The following TP63 variants were observed in gnomAD, a reference collection of about 807,000 sequenced individuals.
TP63 encodes tumor protein p63.
Under a neutral mutation model 82.8 loss-of-function variants are expected in TP63, and 17 were observed. The observed-to-expected ratio is 0.21, with a 90% CI of 0.14 to 0.31. The LOEUF is 0.31. Among genes scored for constraint, TP63 ranks in the 10% least tolerant of loss-of-function variants. The pLI is 1.00. For missense variants in TP63, 648 were observed against 895.3 expected (o/e 0.72, Z 3.52); for synonymous variants, 330 against 321.7 (o/e 1.03, Z -0.28).
chr3:189,678,530 T>C (rs945338709), intron 1 of TP63, among the ~76,000 whole-genome samples: 5 of 152,078 alleles, frequency 3.3e-5, no homozygotes, highest in African/African-American at 1.2e-4. Flanking sequence ...AATCTCCGGC[T>C]TTGTTCTTTT....
At chr3:189,787,945 A>G (rs534241424) in intron 3 of TP63, among the ~76,000 whole-genome samples, 105 of 152,174 alleles carry the variant, frequency 6.9e-4, no homozygotes, top group African/African-American at 2.4e-3. Flanking sequence ...TTTCAGGATC[A>G]TCCAAGTTTT....
rs1021607743 is a variant in TP63, at chr3:189,880,497, A to G, written c.1350-5897A>G. ...GGAGGGGTCAGGTGGGGAAAGGGGC[A>G]TTAAGATGTTTATTGGAACCCTTTT... On this transcript the variant is annotated intron_variant, in intron 10 of 13. Coordinates refer to ENST00000264731, the MANE Select transcript of TP63 (RefSeq NM_003722.5). The G allele has an allele frequency of 1.5e-5, 15 of 1,017,186 alleles. No homozygotes were observed. In the African/African-American group the frequency reaches 2.4e-4, roughly 16 times the overall value. 63.0% of individuals were successfully genotyped at this position (1,017,186 alleles called of 1,614,324 possible). A position where few individuals can be genotyped will look rare whatever the true frequency, so the allele number is the denominator to read the frequency against.
intron 11 of TP63, 118 bp from the exon 12 acceptor site, chr3:189,889,222 A>G (rs1377911422): frequency 4.1e-6 from 6 of 1,460,666 alleles, no homozygotes; most frequent in Non-Finnish European, 5.7e-6. Flanking sequence ...AGCGAAGATT[A>G]AAAAGGAAGG....
upstream of TP63, among the ~76,000 whole-genome samples, chr3:189,630,232 G>A (rs1365603778): frequency 2.0e-5 from 3 of 152,142 alleles, no homozygotes. Flanking sequence ...GGTGTGTCCT[G>A]TGACTAGGGG....
chr3:189,691,158 G>C (rs1716882538), intron 1 of TP63, among the ~76,000 whole-genome samples: 1 of 151,694 alleles, frequency 6.6e-6, no homozygotes, highest in Non-Finnish European at 1.5e-5. Flanking sequence ...GGCCAACATG[G>C]TGAAACCCTG....
chr3:189,825,915 C>T (rs1056733596), intron 4 of TP63, among the ~76,000 whole-genome samples: 1 of 152,172 alleles, frequency 6.6e-6, no homozygotes, highest in African/African-American at 2.4e-5. Flanking sequence ...TTGCTCTTCC[C>T]TGCAGCCTCT....
At chr3:189,641,356 T>G (rs1315359464) in intron 1 of TP63, among the ~76,000 whole-genome samples, 1 of 152,060 alleles carries the variant, frequency 6.6e-6, no homozygotes, top group African/African-American at 2.4e-5. Context: ...GTCAGAGCAT[T>G]TTAGATATTC....
upstream of TP63, among the ~76,000 whole-genome samples, chr3:189,630,849 C>T (rs1729426759): frequency 1.3e-5 from 2 of 151,852 alleles, no homozygotes; most frequent in African/African-American, 4.8e-5. Flanking sequence ...AAGGAATTTC[C>T]CTGTCTTTGC....
chr3:189,795,387 G>C (rs952447294), intron 3 of TP63, among the ~76,000 whole-genome samples: 1 of 152,000 alleles, frequency 6.6e-6, no homozygotes, highest in Non-Finnish European at 1.5e-5. Context: ...TGAGGGGTTC[G>C]TAAATGACTC....
At chr3:189,677,889 G>T (rs2108685876) in intron 1 of TP63, among the ~76,000 whole-genome samples, 1 of 151,932 alleles carries the variant, frequency 6.6e-6, no homozygotes, top group East Asian at 1.9e-4. Context: ...GGACATCTGT[G>T]TATCTTCTGA....
intron 4 of TP63, among the ~76,000 whole-genome samples, chr3:189,824,002 C>T (rs1729067740): frequency 6.6e-6 from 1 of 152,044 alleles, no homozygotes; most frequent in African/African-American, 2.4e-5. Flanking sequence ...CTCTCTCACA[C>T]CTAGCAATAA....
intron 3 of TP63, among the ~76,000 whole-genome samples, chr3:189,776,318 G>A (rs777451164): frequency 4.6e-5 from 7 of 152,108 alleles, no homozygotes; most frequent in African/African-American, 1.4e-4. Context: ...TTGGAACACC[G>A]TGTTTCCCTC....
chr3:189,886,763 A>G (rs570573685), intron 11 of TP63, among the ~76,000 whole-genome samples: 2 of 152,272 alleles, frequency 1.3e-5, no homozygotes, highest in South Asian at 2.1e-4. Flanking sequence ...ATAGGGACGG[A>G]TGTTTCTTTA....
chr3:189,835,541 A>C (rs1713008747), intron 4 of TP63, among the ~76,000 whole-genome samples: 1 of 152,184 alleles, frequency 6.6e-6, no homozygotes, highest in East Asian at 1.9e-4. Flanking sequence ...ATACATTCTT[A>C]CCGAAGGCTC....
At chr3:189,819,909 C>T (rs1383889083) in intron 4 of TP63, among the ~76,000 whole-genome samples, 1 of 151,938 alleles carries the variant, frequency 6.6e-6, no homozygotes, top group Admixed American at 6.6e-5. Flanking sequence ...TGACTCCATG[C>T]CCAGCTAATT....
the TP63 span, among the ~76,000 whole-genome samples, chr3:189,626,116 C>G: frequency 6.6e-6 from 1 of 152,226 alleles, no homozygotes; most frequent in East Asian, 1.9e-4. Context: ...TAAAGTCATT[C>G]GAATACCATT....
chr3:189,869,419 T>C lies in TP63; in HGVS notation c.1212+13T>C, dbSNP rs1266622734. The C allele has an allele frequency of 6.2e-7, 1 of 1,610,576 alleles. No homozygotes were observed. The highest frequency in any genetic ancestry group is 1.1e-5 in the South Asian group (1 of 90,946). On this transcript the variant is annotated intron_variant, in intron 9 of 13. Coordinates refer to ENST00000264731, the MANE Select transcript of TP63 (RefSeq NM_003722.5). Reference sequence around the variant, plus strand: ...GTTATACTTACCAGTAGGTCTTCCTTGGGTGTTCATGGTTGCTTCATTTTA... The same window carrying C: ...GTTATACTTACCAGTAGGTCTTCCTCGGGTGTTCATGGTTGCTTCATTTTA...
intron 9 of TP63, among the ~76,000 whole-genome samples, chr3:189,870,940 G>A (rs757591900): frequency 6.6e-6 from 1 of 152,122 alleles, no homozygotes; most frequent in African/African-American, 2.4e-5. Flanking sequence ...ACTCTCAGGG[G>A]AATAAATTGC....
rs552916782 is a variant in TP63, at chr3:189,814,435, C to G, written c.579+5909C>G. ...TGGTGAGGGGCAGAAGTCAGTAGCT[C>G]GTGCCACTGGTACATGTGTTCGTGT... is the stretch of plus-strand genomic sequence containing the variant. On this transcript the variant is annotated intron_variant, in intron 4 of 13. Coordinates refer to ENST00000264731, the MANE Select transcript of TP63 (RefSeq NM_003722.5). Among the ~76,000 whole-genome samples, 8 of 152,246 alleles carry G rather than the reference C, an allele frequency of 5.3e-5. No homozygotes were observed. In the South Asian group the frequency reaches 1.0e-3, roughly 20 times the overall value.
Sources: gnomAD v4.1 joint callset for allele counts (sites outside exome capture counted in the v4.1 genomes callset) on GRCh38, gnomAD v4.1.1 for gene constraint, MANE v1.5 for transcripts, NCBI Gene and HGNC (gene_info 2026-07-23, HGNC 2026-07-21) for gene names.